The following ZNF722 variants were observed in gnomAD, a reference collection of about 807,000 sequenced individuals.
ZNF722 encodes the protein zinc finger protein 479 pseudogene.
the ZNF722 span, chr7:63,998,882 C>CT: frequency 6.8e-7 from 1 of 1,476,692 alleles, no homozygotes; most frequent in Non-Finnish European, 9.4e-7. Flanking sequence ...AGCTCCAGTT[C>CT]TTTTCTTCAG....
chr7:64,002,011 G>A, the ZNF722 span, among the ~76,000 whole-genome samples: 1 of 152,122 alleles, frequency 6.6e-6, no homozygotes, highest in African/African-American at 2.4e-5. Context: ...AGCCTCTCGA[G>A]TAGCTGGGAT....
At chr7:64,004,184 T>C in the ZNF722 span, among the ~76,000 whole-genome samples, 1 of 151,020 alleles carries the variant, frequency 6.6e-6, no homozygotes, top group Non-Finnish European at 1.5e-5. Context: ...GCGGATCATG[T>C]GAGGTCAGGA....
chr7:64,007,317 G>A, the ZNF722 span, among the ~76,000 whole-genome samples: 2 of 150,986 alleles, frequency 1.3e-5, no homozygotes, highest in African/African-American at 4.9e-5. Flanking sequence ...ATGTATACAT[G>A]TGCCATGTTG....
At chr7:64,002,529 GTAT>G in the ZNF722 span, among the ~76,000 whole-genome samples, 479 of 152,060 alleles carry the variant, frequency 3.2e-3, 4 homozygotes, top group African/African-American at 0.011. Flanking sequence ...GTTTTTTGTG[GTAT>G]TATTATTCTA....
chr7:64,006,968 CATG>C, the ZNF722 span, among the ~76,000 whole-genome samples: 1 of 151,678 alleles, frequency 6.6e-6, no homozygotes, highest in African/African-American at 2.4e-5. Flanking sequence ...TGCTGTATTA[CATG>C]ATAATTTCAT....
At chr7:64,008,971 G>C in the ZNF722 span, among the ~76,000 whole-genome samples, 1 of 152,166 alleles carries the variant, frequency 6.6e-6, no homozygotes, top group Non-Finnish European at 1.5e-5. Flanking sequence ...TCCCTTGTAA[G>C]TTGGATTCCT....
the ZNF722 span, among the ~76,000 whole-genome samples, chr7:64,008,842 C>A: frequency 3.3e-5 from 5 of 152,100 alleles, no homozygotes; most frequent in Non-Finnish European, 5.9e-5. Flanking sequence ...GGCAGTATGG[C>A]CATTTTCACA....
chr7:64,007,023 C>A, the ZNF722 span, among the ~76,000 whole-genome samples: 1 of 151,390 alleles, frequency 6.6e-6, no homozygotes, highest in East Asian at 1.9e-4. Flanking sequence ...TTTATGATGG[C>A]TGCATCTTTT....
the ZNF722 span, among the ~76,000 whole-genome samples, chr7:64,000,124 T>TGTG: frequency 8.5e-4 from 79 of 93,066 alleles, no homozygotes; most frequent in African/African-American, 2.6e-3. Flanking sequence ...CCTTACTTTT[T>TGTG]TTTTTTTTTG....
chr7:63,998,980 T>C, the ZNF722 span: 2 of 1,579,504 alleles, frequency 1.3e-6, no homozygotes, highest in East Asian at 4.5e-5. Context: ...AAGACCGGGA[T>C]CCCCTGGAAG....
the ZNF722 span, among the ~76,000 whole-genome samples, chr7:64,006,759 T>C: frequency 6.6e-6 from 1 of 152,124 alleles, no homozygotes; most frequent in African/African-American, 2.4e-5. Flanking sequence ...GGCCATTCTG[T>C]TTTTATTACT....
At chr7:64,011,473 G>A in the ZNF722 span, among the ~76,000 whole-genome samples, 670 of 152,256 alleles carry the variant, frequency 4.4e-3, 4 homozygotes, top group African/African-American at 0.015. Context: ...GCATTTGCTT[G>A]TCTGTAAAGT....
the ZNF722 span, among the ~76,000 whole-genome samples, chr7:64,007,230 G>GTA: frequency 8.1e-3 from 1,119 of 138,466 alleles, 18 homozygotes; most frequent in South Asian, 0.033. Context: ...GTTTGTGTGT[G>GTA]TATATATATA....
the ZNF722 span, among the ~76,000 whole-genome samples, chr7:64,013,114 G>A: frequency 6.6e-6 from 1 of 152,024 alleles, no homozygotes; most frequent in African/African-American, 2.4e-5. Context: ...CCAGTCTCAG[G>A]TTATTTTCTG....
chr7:64,008,800 T>A, the ZNF722 span, among the ~76,000 whole-genome samples: 1 of 152,200 alleles, frequency 6.6e-6, no homozygotes. Context: ...GGTAGCTTGA[T>A]GGGGATGGCA....
At chr7:64,004,121 C>T in the ZNF722 span, among the ~76,000 whole-genome samples, 1 of 151,868 alleles carries the variant, frequency 6.6e-6, no homozygotes. Context: ...TAAATTTAGG[C>T]CGGGCGCAGT....
At chr7:64,015,706 A>G in the ZNF722 span, 1 of 1,613,040 alleles carries the variant, frequency 6.2e-7, no homozygotes, top group Non-Finnish European at 8.5e-7. Flanking sequence ...ACCCTCAATG[A>G]CCACAAGAGA....
chr7:64,004,425 A>AAAAAAAAATATATATATATATATATAT, the ZNF722 span, among the ~76,000 whole-genome samples: 1 of 61,112 alleles, frequency 1.6e-5, no homozygotes, highest in African/African-American at 8.0e-5. Flanking sequence ...AAAAAAAAAA[A>AAAAAAAAATATATATATATATATATAT]ATATATATAT....
At chr7:64,009,454 G>A in the ZNF722 span, among the ~76,000 whole-genome samples, 1 of 152,094 alleles carries the variant, frequency 6.6e-6, no homozygotes, top group Non-Finnish European at 1.5e-5. Context: ...TAGCATGAAT[G>A]GCTGTTGAAT....
Sources: allele counts gnomAD v4.1 joint callset (sites outside exome capture counted in the v4.1 genomes callset), GRCh38; gene constraint gnomAD v4.1.1; transcripts MANE v1.5; gene names NCBI Gene and HGNC (gene_info 2026-07-23, HGNC 2026-07-21).